OR6N1: variants seen among roughly 807,000 people sequenced by gnomAD.
The protein encoded by OR6N1 is olfactory receptor family 6 subfamily N member 1.
For synonymous variants in OR6N1, 170 were observed against 150.7 expected (o/e 1.13, Z -0.94); for missense variants, 394 against 371.7 (o/e 1.06, Z -0.49).
chr1:158,830,975 T>C, the OR6N1 span, among the ~76,000 whole-genome samples: 1 of 152,120 alleles, frequency 6.6e-6, no homozygotes, highest in South Asian at 2.1e-4. Flanking sequence ...CTGGTAGCAA[T>C]AGACATCTCT....
At chr1:158,795,237 C>G in the OR6N1 span, among the ~76,000 whole-genome samples, 1 of 152,230 alleles carries the variant, frequency 6.6e-6, no homozygotes, top group African/African-American at 2.4e-5. Context: ...TCAGGTCTCA[C>G]ATACACAGTG....
chr1:158,787,326 C>T, the OR6N1 span, among the ~76,000 whole-genome samples: 5 of 152,060 alleles, frequency 3.3e-5, no homozygotes, highest in Admixed American at 6.6e-5. Context: ...TGTGAACCAA[C>T]TAAACCCCTT....
the OR6N1 span, among the ~76,000 whole-genome samples, chr1:158,818,706 G>T: frequency 2.0e-5 from 3 of 152,126 alleles, no homozygotes; most frequent in Admixed American, 6.5e-5. Flanking sequence ...TACAAAACAG[G>T]TCTTAAACAT....
At chr1:158,777,297 G>A in the OR6N1 span, 1 of 1,614,132 alleles carries the variant, frequency 6.2e-7, no homozygotes, top group Non-Finnish European at 8.5e-7. Context: ...CTGTAAGAAG[G>A]TAGCATTCAG....
At chr1:158,807,889 A>G in the OR6N1 span, among the ~76,000 whole-genome samples, 6 of 152,238 alleles carry the variant, frequency 3.9e-5, no homozygotes, top group Admixed American at 2.6e-4. Context: ...GGGAAATCAG[A>G]GACCATAACC....
chr1:158,813,167 A>T, the OR6N1 span, among the ~76,000 whole-genome samples: 24 of 152,360 alleles, frequency 1.6e-4, no homozygotes, highest in Admixed American at 9.2e-4. Context: ...CATTGCTTAT[A>T]GGAGTACAAA....
chr1:158,802,532 C>A, the OR6N1 span, among the ~76,000 whole-genome samples: 1 of 152,072 alleles, frequency 6.6e-6, no homozygotes, highest in Non-Finnish European at 1.5e-5. Flanking sequence ...ATCTTTAGCA[C>A]CCCAGAGGTG....
chr1:158,788,626 T>C, the OR6N1 span, among the ~76,000 whole-genome samples: 1 of 152,188 alleles, frequency 6.6e-6, no homozygotes, highest in Admixed American at 6.5e-5. Context: ...GTAATTAGTA[T>C]AGCCATCACT....
the OR6N1 span, among the ~76,000 whole-genome samples, chr1:158,819,594 A>G: frequency 6.6e-6 from 1 of 152,214 alleles, no homozygotes; most frequent in Non-Finnish European, 1.5e-5. Context: ...TCCCACACAC[A>G]AAAAGAGGAA....
the OR6N1 span, among the ~76,000 whole-genome samples, chr1:158,823,100 A>G: frequency 6.6e-6 from 1 of 152,110 alleles, no homozygotes; most frequent in Non-Finnish European, 1.5e-5. Context: ...TTGATGCTGG[A>G]TTTAATTTGC....
the OR6N1 span, among the ~76,000 whole-genome samples, chr1:158,784,118 A>AG: frequency 1.3e-5 from 2 of 151,804 alleles, no homozygotes; most frequent in East Asian, 3.9e-4. Flanking sequence ...AAACAAAAAA[A>AG]AGAAAAGGCT....
the OR6N1 span, among the ~76,000 whole-genome samples, chr1:158,782,954 T>C: frequency 6.6e-6 from 1 of 152,168 alleles, no homozygotes; most frequent in Admixed American, 6.5e-5. Flanking sequence ...TAGTAAGTGA[T>C]TCATAAACTT....
the OR6N1 span, among the ~76,000 whole-genome samples, chr1:158,836,755 C>T: frequency 6.6e-6 from 1 of 150,960 alleles, no homozygotes; most frequent in Admixed American, 6.6e-5. Context: ...CTTTTGATGG[C>T]TTTTGGTTTA....
chr1:158,791,937 A>C, the OR6N1 span, among the ~76,000 whole-genome samples: 19,141 of 152,158 alleles, frequency 0.13, 1,586 homozygotes, highest in South Asian at 0.36. Context: ...GTTTAAGTCC[A>C]GTGTTTGTTT....
chr1:158,829,464 A>G, the OR6N1 span, among the ~76,000 whole-genome samples: 1 of 152,146 alleles, frequency 6.6e-6, no homozygotes, highest in Non-Finnish European at 1.5e-5. Flanking sequence ...CCAAAACATA[A>G]CAAGAGTCAC....
At chr1:158,836,110 G>A in the OR6N1 span, among the ~76,000 whole-genome samples, 730 of 151,196 alleles carry the variant, frequency 4.8e-3, 5 homozygotes, top group African/African-American at 0.017. Flanking sequence ...TAAATTTAAC[G>A]TGCTATATAA....
chr1:158,839,184 C>T, the OR6N1 span, among the ~76,000 whole-genome samples: 1 of 152,098 alleles, frequency 6.6e-6, no homozygotes, highest in Non-Finnish European at 1.5e-5. Flanking sequence ...TAAAAACAGC[C>T]CCCTCTCAAC....
chr1:158,767,267 C>A (rs1332911968), intron 1 of OR6N1, among the ~76,000 whole-genome samples: 1 of 152,058 alleles, frequency 6.6e-6, no homozygotes, highest in East Asian at 1.9e-4. Context: ...GCATGTAGGT[C>A]AGAATTTAGA....
the OR6N1 span, among the ~76,000 whole-genome samples, chr1:158,780,791 T>C: frequency 6.6e-6 from 1 of 152,232 alleles, no homozygotes; most frequent in Non-Finnish European, 1.5e-5. Flanking sequence ...ACAGCCTCTA[T>C]TTTATGAATA....
Sources: gnomAD v4.1 joint callset for allele counts (sites outside exome capture counted in the v4.1 genomes callset) on GRCh38, gnomAD v4.1.1 for gene constraint, MANE v1.5 for transcripts, NCBI Gene and HGNC (gene_info 2026-07-23, HGNC 2026-07-21) for gene names.